The following MSI2 variants were observed in gnomAD, a reference collection of about 807,000 sequenced individuals.
The protein encoded by MSI2 is RNA-binding protein Musashi homolog 2.
In MSI2, 17 loss-of-function variants were observed where a neutral mutation model predicts 45.6. The observed-to-expected ratio is 0.37, with a 90% CI of 0.26 to 0.56. The LOEUF (loss-of-function observed/expected upper bound fraction) is 0.56, where lower values mean the gene tolerates loss of function less well. Ranked by LOEUF, MSI2 falls within the 20% of genes least tolerant of loss-of-function variation. MSI2 has a pLI of 0.77. For missense variants in MSI2, 293 were observed against 444.2 expected, an observed-to-expected ratio of 0.66 and a Z score of 3.06; for synonymous variants, 156 against 158.2, an observed-to-expected ratio of 0.99 and a Z score of 0.11.
rs539281494 is a variant in MSI2 at position 57,642,781 on chromosome 17, A to C, written c.728-9318A>C. ...TTACTGGGAGGGCACAGGGCTGAGA[A>C]TGGGTCTTGAGTTATCAGTTCTGCT... is the stretch of plus-strand genomic sequence containing the variant. On this transcript the variant is annotated intron_variant, in intron 10 of 13. Coordinates refer to ENST00000284073, the MANE Select transcript of MSI2 (RefSeq NM_138962.4). 2.0e-5 allele frequency among the ~76,000 whole-genome samples: 3 copies of C among 152,322 alleles called. No homozygotes were observed. In the South Asian group the frequency reaches 6.2e-4, roughly 32 times the overall value.
chr17:57,300,013 T>G (rs2143530740), intron 5 of MSI2, among the ~76,000 whole-genome samples: 1 of 152,292 alleles, frequency 6.6e-6, no homozygotes, highest in East Asian at 1.9e-4. Flanking sequence ...GCTTGTCGCT[T>G]CCTTCACTCT....
At chr17:57,554,266 A>G (rs973498991) in intron 7 of MSI2, among the ~76,000 whole-genome samples, 4 of 152,132 alleles carry the variant, frequency 2.6e-5, no homozygotes, top group Non-Finnish European at 5.9e-5. Context: ...AAAAATGCAG[A>G]GAGTCTTGGC....
intron 6 of MSI2, among the ~76,000 whole-genome samples, chr17:57,427,213 A>G (rs1313495610): frequency 6.6e-6 from 1 of 152,116 alleles, no homozygotes; most frequent in East Asian, 1.9e-4. Flanking sequence ...CCTGGCCAAC[A>G]TGGTGAAACC....
chr17:57,587,408 C>T (rs2144401092), intron 7 of MSI2, among the ~76,000 whole-genome samples: 1 of 152,290 alleles, frequency 6.6e-6, no homozygotes, highest in East Asian at 1.9e-4. Context: ...AAATTGGCTC[C>T]CCTCTGGCAA....
At chr17:57,513,926 A>G (rs1367050624) in intron 6 of MSI2, among the ~76,000 whole-genome samples, 1 of 152,236 alleles carries the variant, frequency 6.6e-6, no homozygotes, top group Non-Finnish European at 1.5e-5. Context: ...AAAGAAATGT[A>G]AATGAATTAG....
chr17:57,452,974 G>A (rs2085046256), intron 6 of MSI2, among the ~76,000 whole-genome samples: 1 of 150,504 alleles, frequency 6.6e-6, no homozygotes, highest in African/African-American at 2.4e-5. Flanking sequence ...GGCCAGTGCT[G>A]GCTGAGGGCT....
intron 6 of MSI2, among the ~76,000 whole-genome samples, chr17:57,480,001 G>C (rs7219703): frequency 7.3e-5 from 11 of 151,708 alleles, no homozygotes; most frequent in Non-Finnish European, 1.3e-4. Flanking sequence ...TTTTTGAGTC[G>C]GAGTCTTGCT....
Position 57,327,961 on chromosome 17 carries a change from G to A in MSI2, c.312+65769G>A, listed in dbSNP as rs534700022. Among the ~76,000 whole-genome samples, 22 of 152,288 alleles carry A rather than the reference G, an allele frequency of 1.4e-4. No homozygotes were observed. The East Asian group carries it at 4.2e-3, about 29-fold the overall frequency. On this transcript the variant is annotated intron_variant, in intron 5 of 13. Transcript: ENST00000284073. ...GACAGGTGAGTTGCATTTCCCAGGA[G>A]TAGCTCAGATGTTTTTGGCTTCACC... is the stretch of plus-strand genomic sequence containing the variant.
chr17:57,341,940 CTTCT>C (rs1288281501), intron 5 of MSI2, among the ~76,000 whole-genome samples: 4 of 151,846 alleles, frequency 2.6e-5, no homozygotes, highest in African/African-American at 9.7e-5. Context: ...TCTTTTCTTC[CTTCT>C]AACTTGCCAT....
intron 7 of MSI2, among the ~76,000 whole-genome samples, chr17:57,562,149 C>T (rs1019950391): frequency 3.9e-5 from 6 of 152,178 alleles, no homozygotes; most frequent in South Asian, 4.1e-4. Context: ...TCCATCTGCC[C>T]GTTCATCCAT....
chr17:57,472,787 G>A (rs990779689), intron 6 of MSI2, among the ~76,000 whole-genome samples: 9 of 152,142 alleles, frequency 5.9e-5, no homozygotes, highest in South Asian at 2.1e-4. Flanking sequence ...CCCGTCACAC[G>A]GAGCTACCTT....
At chr17:57,464,518 A>G (rs1479940084) in intron 6 of MSI2, among the ~76,000 whole-genome samples, 2 of 152,212 alleles carry the variant, frequency 1.3e-5, no homozygotes, top group African/African-American at 4.8e-5. Context: ...GGGTCTGGAC[A>G]GATCTCAAGT....
At chr17:57,400,171 A>G (rs1370482663) in intron 5 of MSI2, among the ~76,000 whole-genome samples, 1 of 152,220 alleles carries the variant, frequency 6.6e-6, no homozygotes, top group Non-Finnish European at 1.5e-5. Flanking sequence ...AGTCTTTAGA[A>G]CGAAATTTAT....
the MSI2 span, among the ~76,000 whole-genome samples, chr17:57,694,937 G>A: frequency 1.5e-3 from 227 of 152,328 alleles, no homozygotes; most frequent in African/African-American, 5.3e-3. Context: ...ATGTGAATTT[G>A]CACTAAATGT....
intron 9 of MSI2, among the ~76,000 whole-genome samples, chr17:57,620,974 C>A (rs1908234956): frequency 6.6e-6 from 1 of 152,194 alleles, no homozygotes; most frequent in Non-Finnish European, 1.5e-5. Flanking sequence ...CCTGGGCTGC[C>A]CTCTGTTTTG....
At chr17:57,658,649 C>T (rs1911773810) in intron 11 of MSI2, among the ~76,000 whole-genome samples, 1 of 152,216 alleles carries the variant, frequency 6.6e-6, no homozygotes, top group South Asian at 2.1e-4. Context: ...TAGTGACTAG[C>T]CTTGAAGCCC....
At chr17:57,378,688 T>C (rs957419965) in intron 5 of MSI2, among the ~76,000 whole-genome samples, 2 of 152,238 alleles carry the variant, frequency 1.3e-5, no homozygotes, top group African/African-American at 4.8e-5. Flanking sequence ...TGAGCCACCA[T>C]GCCCGGCCCA....
chr17:57,540,230 G>T (rs780757979), intron 7 of MSI2, among the ~76,000 whole-genome samples: 1 of 152,194 alleles, frequency 6.6e-6, no homozygotes, highest in Non-Finnish European at 1.5e-5. Flanking sequence ...TGCTTGGAAG[G>T]CTATCTGTAA....
At chr17:57,352,897 G>A (rs561688886) in intron 5 of MSI2, among the ~76,000 whole-genome samples, 4 of 152,284 alleles carry the variant, frequency 2.6e-5, no homozygotes, top group South Asian at 2.1e-4. Context: ...TTCACAGGGC[G>A]GTGTTAAGGA....
Sources: allele counts gnomAD v4.1 joint callset (sites outside exome capture counted in the v4.1 genomes callset), GRCh38; gene constraint gnomAD v4.1.1; transcripts MANE v1.5; gene names NCBI Gene and HGNC (gene_info 2026-07-23, HGNC 2026-07-21).